Variants in CACNA1D observed in about 807,000 individuals in gnomAD.
The protein encoded by CACNA1D is voltage-dependent L-type calcium channel subunit alpha-1D.
In CACNA1D, 55 loss-of-function variants were observed where a neutral mutation model predicts 257.1. The observed-to-expected ratio is 0.21, with a 90% CI of 0.17 to 0.27. CACNA1D has a LOEUF of 0.27. CACNA1D is among the 10% of genes least tolerant of loss of function. The pLI, the probability that CACNA1D is intolerant of heterozygous loss-of-function variation, is 1.00. For missense variants in CACNA1D, 1,876 were observed against 2,784.0 expected, an observed-to-expected ratio of 0.67 and a Z score of 7.34; for synonymous variants, 980 against 1,014.9, an observed-to-expected ratio of 0.97 and a Z score of 0.65.
chr3:53,632,775 G>C (rs1047453691), intron 3 of CACNA1D, among the ~76,000 whole-genome samples: 7 of 152,160 alleles, frequency 4.6e-5, no homozygotes, highest in Non-Finnish European at 8.8e-5. Context: ...GAGAACAGCT[G>C]GTTGGTGGAG....
chr3:53,728,968 C>T (rs954504141), intron 15 of CACNA1D, among the ~76,000 whole-genome samples: 1 of 152,180 alleles, frequency 6.6e-6, no homozygotes, highest in Non-Finnish European at 1.5e-5. Context: ...TCCTGTGGCT[C>T]ATCACTCTGG....
chr3:53,627,590 C>T lies in CACNA1D; in HGVS notation c.484-23189C>T, dbSNP rs2093773938. ...TGATGCTGTGTTCCCTCTCAAGCCT[C>T]ACTAGCCTGTGGCTGTGGATGGGTG... On this transcript the variant is annotated intron_variant, in intron 3 of 47. Coordinates refer to ENST00000350061, the MANE Select transcript of CACNA1D (RefSeq NM_001128840.3). 3.2e-5 allele frequency among the ~76,000 whole-genome samples: 4 copies of T among 123,566 alleles called. No individual in the cohort carries two copies. In the Admixed American group the frequency reaches 4.5e-4, roughly 14 times the overall value. The allele number at this position is 123,566 out of a possible 152,430, so 81.1% of individuals were successfully genotyped here. A position where few individuals can be genotyped will look rare whatever the true frequency, so the allele number is the denominator to read the frequency against.
chr3:53,703,412 G>A (rs2094648278), intron 9 of CACNA1D, among the ~76,000 whole-genome samples: 1 of 152,222 alleles, frequency 6.6e-6, no homozygotes, highest in Admixed American at 6.5e-5. Context: ...GCACCCTAGA[G>A]CACCTTCTGC....
At chr3:53,572,592 G>T (rs958793024) in intron 3 of CACNA1D, among the ~76,000 whole-genome samples, 1 of 152,024 alleles carries the variant, frequency 6.6e-6, no homozygotes, top group Non-Finnish European at 1.5e-5. Context: ...TAGAGACAAG[G>T]CTTCACCGTG....
intron 40 of CACNA1D, among the ~76,000 whole-genome samples, chr3:53,798,734 T>C (rs2095520601): frequency 6.6e-6 from 1 of 152,188 alleles, no homozygotes; most frequent in Non-Finnish European, 1.5e-5. Flanking sequence ...CCTGTGTGAC[T>C]TTACATTCTA....
Position 53,775,980 on chromosome 3 carries a change from T to C in CACNA1D, c.4297T>C (p.Tyr1433His), listed in dbSNP as rs2095394921. ...PESDYNPGEE[Y>H]TCGSNFAIVY... ...GTCAGATTACAACCCCGGGGAGGAGTATACATGTGGGAGCAACTTTGCCAT... is the reference window on the plus strand; with the variant it reads ...GTCAGATTACAACCCCGGGGAGGAGCATACATGTGGGAGCAACTTTGCCAT... The change falls in exon 35 of 48, where the codon TAT (tyrosine) becomes CAT (histidine). Residue 1433 changes from tyrosine (Y) to histidine (H), a missense_variant. Transcript: ENST00000350061. The C allele has an allele frequency of 6.2e-7, 1 of 1,613,496 alleles. No individual in the cohort carries two copies. Among genetic ancestry groups the C allele is most frequent in the East Asian group, 2.2e-5 (1 of 44,846 alleles).
chr3:53,807,060 AG>A (rs2095569977), intron 45 of CACNA1D, among the ~76,000 whole-genome samples: 1 of 151,654 alleles, frequency 6.6e-6, no homozygotes, highest in Non-Finnish European at 1.5e-5. Context: ...GACCTTGGAC[AG>A]GAAGAACATT....
intron 3 of CACNA1D, among the ~76,000 whole-genome samples, chr3:53,526,447 C>T (rs1280621924): frequency 6.6e-6 from 1 of 152,160 alleles, no homozygotes; most frequent in Non-Finnish European, 1.5e-5. Context: ...TTTAGCTGCA[C>T]TGTGGATTTA....
At chr3:53,523,512 G>C (rs2091654886) in intron 3 of CACNA1D, among the ~76,000 whole-genome samples, 1 of 152,244 alleles carries the variant, frequency 6.6e-6, no homozygotes, top group Admixed American at 6.5e-5. Context: ...GCACAACTGA[G>C]ACTGGCATCC....
At chr3:53,575,403 G>C (rs530628488) in intron 3 of CACNA1D, among the ~76,000 whole-genome samples, 84 of 152,290 alleles carry the variant, frequency 5.5e-4, no homozygotes, top group African/African-American at 1.9e-3. Flanking sequence ...CATGGTTCCA[G>C]GAAGCTTCCT....
chr3:53,698,318 G>A (rs1576387355), intron 8 of CACNA1D, among the ~76,000 whole-genome samples: 1 of 152,280 alleles, frequency 6.6e-6, no homozygotes, highest in African/African-American at 2.4e-5. Context: ...GCTAAATCCT[G>A]TAATATGTCT....
intron 8 of CACNA1D, among the ~76,000 whole-genome samples, chr3:53,689,721 C>T (rs1017690138): frequency 3.3e-5 from 5 of 152,116 alleles, no homozygotes; most frequent in East Asian, 1.9e-4. Context: ...TGCAATGGTG[C>T]GATTGTAGCT....
chr3:53,652,184 T>G (rs1056236909), intron 4 of CACNA1D, among the ~76,000 whole-genome samples: 2 of 152,204 alleles, frequency 1.3e-5, no homozygotes, highest in African/African-American at 4.8e-5. Flanking sequence ...TGGGATAATC[T>G]GGCTGTGCCT....
chr3:53,674,120 C>T (rs2094351124), intron 8 of CACNA1D: 2 of 497,496 alleles, frequency 4.0e-6, no homozygotes, highest in Non-Finnish European at 7.3e-6. Flanking sequence ...CCTTGGTCTC[C>T]CCCAGGAAAG....
At chr3:53,652,711 C>G (rs1192476400) in intron 4 of CACNA1D, among the ~76,000 whole-genome samples, 1 of 152,238 alleles carries the variant, frequency 6.6e-6, no homozygotes, top group East Asian at 1.9e-4. Context: ...GGCTGGCAAA[C>G]TGTGGCCAAT....
intron 27 of CACNA1D, 39 bp downstream of exon 27, chr3:53,749,508 C>T (rs780736538): frequency 1.2e-4 from 176 of 1,448,594 alleles, no homozygotes; most frequent in Non-Finnish European, 1.6e-4. Context: ...GTCCCTTGGT[C>T]AGGAGCGGAG....
chr3:53,723,970 T>C lies in CACNA1D; in HGVS notation c.2071T>C (p.Phe691Leu). 1 of 1,614,156 alleles carries C rather than the reference T, an allele frequency of 6.2e-7. No homozygotes were observed. The highest frequency in any genetic ancestry group is 2.2e-5 in the East Asian group (1 of 44,874). The change falls in exon 14 of 48, where the codon TTC becomes CTC. Residue 691 changes from phenylalanine (F) to leucine (L), a missense_variant. Around this residue, in one of 10 missense-constraint regions of CACNA1D, gnomAD observed 257 missense variants for 399.7 expected, o/e 0.64. Coordinates refer to ENST00000350061, the MANE Select transcript of CACNA1D (RefSeq NM_001128840.3). The surrounding 1 kb of genome is among the most constrained non-coding windows in gnomAD (Gnocchi z 5.6). ...AACCAAGCGGAGCACCTTTGACAAT[T>C]TCCCTCAAGCACTTCTCACAGTGTT... is the stretch of plus-strand genomic sequence containing the variant. Reference protein sequence around the residue: ...TQTKRSTFDNFPQALLTVFQI... With the variant: ...TQTKRSTFDNLPQALLTVFQI...
At chr3:53,584,172 A>G (rs901615408) in intron 3 of CACNA1D, among the ~76,000 whole-genome samples, 3 of 152,108 alleles carry the variant, frequency 2.0e-5, no homozygotes, top group Non-Finnish European at 2.9e-5. Flanking sequence ...TTGTCTGTCT[A>G]TCTGGGCCAT....
intron 3 of CACNA1D, among the ~76,000 whole-genome samples, chr3:53,601,384 C>A (rs1305277113): frequency 6.6e-6 from 1 of 152,200 alleles, no homozygotes; most frequent in Non-Finnish European, 1.5e-5. Flanking sequence ...AGATCTACCC[C>A]TCTTGGGGCT....
Sources: gnomAD v4.1 joint callset for allele counts (sites outside exome capture counted in the v4.1 genomes callset) on GRCh38, gnomAD v4.1.1 for gene constraint, gnomAD v4.1.1 regional missense constraint, Gnocchi (gnomAD v3.1) non-coding constraint, MANE v1.5 for transcripts, NCBI Gene and HGNC (gene_info 2026-07-23, HGNC 2026-07-21) for gene names.